The following ZNF724 variants were observed in gnomAD, a reference collection of about 807,000 sequenced individuals.
ZNF724 encodes zinc finger protein 724 pseudogene.
ZNF724 carries 14 observed loss-of-function variants against 29.3 expected under a neutral mutation model. The ratio of observed to expected loss-of-function variants is 0.48; its 90% CI spans 0.32 to 0.75. The LOEUF is 0.75. Ranked by LOEUF, ZNF724 falls within the 30% of genes least tolerant of loss-of-function variation. ZNF724 has a pLI of 0.04. For missense variants in ZNF724, 557 were observed against 571.2 expected (o/e 0.98, Z 0.25); for synonymous variants, 180 against 193.6 (o/e 0.93, Z 0.58).
intron 3 of ZNF724, among the ~76,000 whole-genome samples, chr19:23,228,769 T>C (rs975580710): frequency 6.6e-6 from 1 of 151,504 alleles, no homozygotes; most frequent in South Asian, 2.1e-4. Context: ...TGTGGTAGCA[T>C]GTACCAGCTG....
intron 1 of ZNF724, among the ~76,000 whole-genome samples, chr19:23,234,755 T>C (rs1035731534): frequency 1.3e-5 from 2 of 152,324 alleles, no homozygotes; most frequent in East Asian, 3.9e-4. Context: ...CCCAGCTGCC[T>C]TGTAATATTT....
chr19:23,226,867 T>G (rs1971838041), intron 3 of ZNF724, among the ~76,000 whole-genome samples: 2 of 152,180 alleles, frequency 1.3e-5, no homozygotes, highest in Non-Finnish European at 2.9e-5. Flanking sequence ...TGTACAGAGT[T>G]ACAAATTGTC....
chr19:23,250,199 C>A, intron 1 of ZNF724, 41 bp downstream of exon 1: 1 of 593,686 alleles, frequency 1.7e-6, no homozygotes, highest in Non-Finnish European at 3.2e-6. Flanking sequence ...TTTCAACCAG[C>A]CCCTCCCTCT....
intron 2 of ZNF724, among the ~76,000 whole-genome samples, chr19:23,231,719 T>C (rs1971936583): frequency 6.6e-6 from 1 of 151,424 alleles, no homozygotes; most frequent in African/African-American, 2.4e-5. Flanking sequence ...CATTGACAAA[T>C]CCCCAAGATT....
chr19:23,238,062 T>G (rs551078203), intron 1 of ZNF724, among the ~76,000 whole-genome samples: 129 of 148,240 alleles, frequency 8.7e-4, no homozygotes, highest in Non-Finnish European at 1.5e-3. Flanking sequence ...AATCTGTATC[T>G]ACTTTAAGAG....
chr19:23,240,816 G>C (rs1972110486), intron 1 of ZNF724, among the ~76,000 whole-genome samples: 1 of 151,358 alleles, frequency 6.6e-6, no homozygotes, highest in African/African-American at 2.4e-5. Flanking sequence ...TGGATCACCT[G>C]AGGTCAGGAG....
chr19:23,237,846 G>T (rs541316425), intron 1 of ZNF724, among the ~76,000 whole-genome samples: 4 of 152,166 alleles, frequency 2.6e-5, no homozygotes, highest in African/African-American at 9.6e-5. Flanking sequence ...AGACTCCACT[G>T]TTGAGTTTAT....
intron 1 of ZNF724, among the ~76,000 whole-genome samples, chr19:23,244,987 G>A (rs558069532): frequency 6.6e-6 from 1 of 152,146 alleles, no homozygotes; most frequent in Non-Finnish European, 1.5e-5. Context: ...AAAGAGGTGG[G>A]GAGAGATGAA....
intron 1 of ZNF724, among the ~76,000 whole-genome samples, chr19:23,249,741 C>T (rs1015047630): frequency 6.6e-6 from 1 of 151,792 alleles, no homozygotes; most frequent in Non-Finnish European, 1.5e-5. Flanking sequence ...GCCATGTTGG[C>T]CAGGCTGGTC....
At chr19:23,246,704 G>C (rs1001341983) in intron 1 of ZNF724, among the ~76,000 whole-genome samples, 11 of 151,772 alleles carry the variant, frequency 7.2e-5, no homozygotes, top group Non-Finnish European at 1.3e-4. Flanking sequence ...CAAGATTACA[G>C]GATATAGAAC....
In ZNF724 at chr19:23,231,395, C is replaced by T. The variant is rs764360122; in HGVS notation, c.131-34G>A. 16 of 1,257,076 alleles carry T rather than the reference C, an allele frequency of 1.3e-5. No individual in the cohort carries two copies. In the East Asian group the frequency reaches 3.6e-4, roughly 29 times the overall value. The allele number at this position is 1,257,076 out of a possible 1,614,324, so 77.9% of individuals were successfully genotyped here. ...TTAAAAATAAATAACATGAATGTTG[C>T]TCATATTCTTTAAATAATGTGCTCA... On this transcript the variant is annotated intron_variant, in intron 2 of 3. Coordinates refer to ENST00000418100, the MANE Select transcript of ZNF724 (RefSeq NM_001355404.2).
Position 23,246,921 on chromosome 19 carries a change from CA to C in ZNF724, c.3+3318del, listed in dbSNP as rs1205884893. On this transcript the variant is annotated intron_variant, in intron 1 of 3. Coordinates refer to ENST00000418100, the MANE Select transcript of ZNF724 (RefSeq NM_001355404.2). ...GAAATTGTGTTTGAAAACACTCAGG[CA>C]AAAAAACACACCTGAGAAGGCTGGG... Among the ~76,000 whole-genome samples the C allele has an allele frequency of 2.0e-5, 3 of 151,972 alleles. No homozygotes were observed. In the South Asian group the frequency reaches 6.2e-4, roughly 32 times the overall value.
In ZNF724 at chr19:23,223,207, G is replaced by T; in HGVS notation, c.1038C>A (p.Ala346=). The T allele has an allele frequency of 9.5e-7, 1 of 1,048,732 alleles. No individual in the cohort carries two copies. The highest frequency in any genetic ancestry group is 1.5e-6 in the Non-Finnish European group (1 of 666,860). The allele number at this position is 1,048,732 out of a possible 1,614,324, so 65.0% of individuals were successfully genotyped here. A position where few individuals can be genotyped will look rare whatever the true frequency, so the allele number is the denominator to read the frequency against. The change falls in exon 4 of 4, where the codon GCC becomes GCA. Residue 346 remains alanine, a synonymous_variant. Transcript: ENST00000418100. The part of the protein sequence containing the change: ...KPYKCEECGK[A]FNVSSTLTQH... ...GAGTAAGGGTTGAGGACACATTAAAGGCTTTGCCACATTCTTCACATTTAT... is the reference window on the plus strand; with the variant it reads ...GAGTAAGGGTTGAGGACACATTAAATGCTTTGCCACATTCTTCACATTTAT...
intron 1 of ZNF724, among the ~76,000 whole-genome samples, chr19:23,246,946 G>A (rs1240748844): frequency 1.3e-5 from 2 of 152,154 alleles, no homozygotes; most frequent in Non-Finnish European, 2.9e-5. Flanking sequence ...GAGAAGGCTG[G>A]GCACGGTGAC....
At chr19:23,245,671 T>G (rs1354833459) in intron 1 of ZNF724, among the ~76,000 whole-genome samples, 2 of 151,884 alleles carry the variant, frequency 1.3e-5, no homozygotes, top group African/African-American at 2.4e-5. Flanking sequence ...CATTTGCCAT[T>G]CCCCTCCCAC....
At position 23,223,208 on chromosome 19, in the gene ZNF724, G is replaced by A. The variant is rs759757440; in HGVS notation, c.1037C>T (p.Ala346Val). The A allele has an allele frequency of 9.4e-7, 1 of 1,061,624 alleles. No homozygotes were observed. The highest frequency in any genetic ancestry group is 1.3e-5 in the South Asian group (1 of 79,670). The allele number at this position is 1,061,624 out of a possible 1,614,324, so 65.8% of individuals were successfully genotyped here. Residue 346 changes from alanine (A) to valine (V), a missense_variant, in exon 4 of 4, where the codon GCC (alanine) becomes GTC (valine). Physicochemically the swap from Ala to Val is moderately conservative, Grantham distance 64 (BLOSUM62 0). Transcript: ENST00000418100. ...KPYKCEECGK[A>V]FNVSSTLTQH... ...AGTAAGGGTTGAGGACACATTAAAG[G>A]CTTTGCCACATTCTTCACATTTATA... is the stretch of plus-strand genomic sequence containing the variant.
chr19:23,224,341 C>T (rs935135984), intron 3 of ZNF724, among the ~76,000 whole-genome samples: 5 of 151,710 alleles, frequency 3.3e-5, no homozygotes, highest in Non-Finnish European at 4.4e-5. Flanking sequence ...TGAACCTGAG[C>T]GGCAGAAGTT....
chr19:23,225,193 T>TAGATAG (rs1338536570), intron 3 of ZNF724, among the ~76,000 whole-genome samples: 2 of 152,214 alleles, frequency 1.3e-5, no homozygotes, highest in Admixed American at 1.3e-4. Flanking sequence ...TGTAAACATC[T>TAGATAG]ATCTTTATTG....
Position 23,240,281 on chromosome 19 carries a change from CAAA to C in ZNF724, c.4-7991_4-7989del, listed in dbSNP as rs34902602. Reference sequence around the variant, plus strand: ...CCTGGGCAACAGAGCGAGACTCTGTCAAAAAAAAAAAAAAAAAAAGATAAGGAC... The same window carrying C: ...CCTGGGCAACAGAGCGAGACTCTGTCAAAAAAAAAAAAAAAAGATAAGGAC... On this transcript the variant is annotated intron_variant, in intron 1 of 3. Transcript: ENST00000418100. 1.9e-3 allele frequency among the ~76,000 whole-genome samples: 226 copies of C among 118,632 alleles called. 4 individuals are homozygous for C. Among genetic ancestry groups the C allele is most frequent in the African/African-American group, 4.0e-3 (124 of 31,350 alleles). 77.8% of individuals were successfully genotyped at this position (118,632 alleles called of 152,430 possible). A position where few individuals can be genotyped will look rare whatever the true frequency, so the allele number is the denominator to read the frequency against.
Sources: gnomAD v4.1 joint callset for allele counts (sites outside exome capture counted in the v4.1 genomes callset) on GRCh38, gnomAD v4.1.1 for gene constraint, MANE v1.5 for transcripts, NCBI Gene and HGNC (gene_info 2026-07-23, HGNC 2026-07-21) for gene names.